Variants in PCLO observed in about 807,000 individuals in gnomAD.
The protein encoded by PCLO is piccolo presynaptic cytomatrix protein.
Under a neutral mutation model 427.5 loss-of-function variants are expected in PCLO, and 82 were observed. The ratio of observed to expected loss-of-function variants is 0.19; its 90% CI spans 0.16 to 0.23. PCLO has a LOEUF of 0.23. PCLO is among the 10% of genes least tolerant of loss of function. PCLO has a pLI of 1.00. For missense variants in PCLO, 6,239 were observed against 6,115.9 expected, an observed-to-expected ratio of 1.02 and a Z score of -0.67; for synonymous variants, 2,357 against 2,155.4, an observed-to-expected ratio of 1.09 and a Z score of -2.59.
intron 10 of PCLO, among the ~76,000 whole-genome samples, chr7:82,848,317 T>G (rs1792559781): frequency 1.4e-5 from 2 of 144,900 alleles, no homozygotes; most frequent in African/African-American, 2.5e-5. Flanking sequence ...TTTTTTTTTT[T>G]TTTTTTTTTT....
At chr7:82,939,452 G>T (rs1290607061) in intron 6 of PCLO, among the ~76,000 whole-genome samples, 13 of 151,590 alleles carry the variant, frequency 8.6e-5, no homozygotes, top group African/African-American at 3.1e-4. Context: ...ATTGTGTTTT[G>T]TTTCTTGTTC....
intron 22 of PCLO, among the ~76,000 whole-genome samples, chr7:82,779,625 A>C (rs991332867): frequency 6.6e-6 from 1 of 152,058 alleles, no homozygotes; most frequent in Admixed American, 6.6e-5. Flanking sequence ...ACAAACAGGA[A>C]ATTTTTTTTC....
At chr7:83,092,950 A>C (rs1404908506) in intron 3 of PCLO, among the ~76,000 whole-genome samples, 2 of 151,114 alleles carry the variant, frequency 1.3e-5, no homozygotes. Flanking sequence ...CTGTCTCAAA[A>C]AAAAAAAAAA....
Position 83,096,990 on chromosome 7 carries a change from A to ATATAT in PCLO, c.3300+37255_3300+37259dup, listed in dbSNP as rs1562962407. Among the ~76,000 whole-genome samples, 4 of 25,592 alleles carry ATATAT rather than the reference A, an allele frequency of 1.6e-4. 1 individual carries two copies. The highest frequency in any genetic ancestry group is 1.7e-3 in the South Asian group (2 of 1,196). 16.8% of individuals were successfully genotyped at this position (25,592 alleles called of 152,430 possible). On this transcript the variant is annotated intron_variant, in intron 3 of 24. Transcript: ENST00000333891. ...TAATATATTATATATTATATAAATA[A>ATATAT]TATATATTATATAAATAATATATAT...
intron 3 of PCLO, chr7:83,018,114 T>C (rs1041691738): frequency 3.3e-5 from 5 of 152,032 alleles, no homozygotes; most frequent in Admixed American, 6.6e-5. Flanking sequence ...TAATTCCTTA[T>C]AGAAGTATTA....
At chr7:82,860,792 A>T (rs2115910053) in intron 10 of PCLO, among the ~76,000 whole-genome samples, 1 of 152,218 alleles carries the variant, frequency 6.6e-6, no homozygotes, top group African/African-American at 2.4e-5. Context: ...AAATAGAAAC[A>T]ACAAAAAGTT....
intron 14 of PCLO, among the ~76,000 whole-genome samples, chr7:82,839,476 G>C (rs1239620257): frequency 6.6e-6 from 1 of 152,016 alleles, no homozygotes; most frequent in Non-Finnish European, 1.5e-5. Context: ...AAGAAGAGGA[G>C]AAAGGGGAAG....
chr7:82,771,091 T>A (rs1385944858), intron 22 of PCLO, among the ~76,000 whole-genome samples: 1 of 151,916 alleles, frequency 6.6e-6, no homozygotes, highest in Non-Finnish European at 1.5e-5. Flanking sequence ...TATTCTATAG[T>A]AGGTTAGATT....
intron 3 of PCLO, among the ~76,000 whole-genome samples, chr7:83,031,095 C>A (rs1445797408): frequency 6.6e-6 from 1 of 152,128 alleles, no homozygotes; most frequent in Non-Finnish European, 1.5e-5. Flanking sequence ...CTGAGCTGCA[C>A]TGTTCATACT....
chr7:83,095,825 G>A (rs976855974), intron 3 of PCLO, among the ~76,000 whole-genome samples: 3 of 151,958 alleles, frequency 2.0e-5, no homozygotes, highest in Non-Finnish European at 4.4e-5. Context: ...ATGTGTTGGA[G>A]TTTGTTTTAT....
At chr7:83,035,072 G>C (rs1402264168) in intron 3 of PCLO, among the ~76,000 whole-genome samples, 1 of 152,070 alleles carries the variant, frequency 6.6e-6, no homozygotes, top group Non-Finnish European at 1.5e-5. Flanking sequence ...GAGTGCTCTG[G>C]CAGCAAGTCT....
At chr7:83,062,881 T>C (rs532560232) in intron 3 of PCLO, among the ~76,000 whole-genome samples, 6 of 152,268 alleles carry the variant, frequency 3.9e-5, no homozygotes, top group African/African-American at 1.4e-4. Context: ...CATAATTCTA[T>C]ATGATTGCAT....
At chr7:82,972,251 C>G (rs1258322830) in intron 3 of PCLO, among the ~76,000 whole-genome samples, 2 of 151,960 alleles carry the variant, frequency 1.3e-5, no homozygotes, top group Admixed American at 1.3e-4. Flanking sequence ...AAAATCCATT[C>G]ATCTTAAGAA....
chr7:82,913,369 CA>C, intron 7 of PCLO, among the ~76,000 whole-genome samples: 1 of 152,098 alleles, frequency 6.6e-6, no homozygotes, highest in Non-Finnish European at 1.5e-5. Context: ...ATCCTTTTCA[CA>C]AAAATGTGTA....
chr7:83,127,462 A>G (rs6949176), intron 3 of PCLO, among the ~76,000 whole-genome samples: 74,499 of 151,840 alleles, frequency 0.49, 19,181 homozygotes, highest in East Asian at 0.69. Context: ...ACTTTCAGGC[A>G]TGCAGAGGGA....
chr7:82,827,634 T>C (rs1226785648), intron 17 of PCLO, among the ~76,000 whole-genome samples: 2 of 152,106 alleles, frequency 1.3e-5, no homozygotes, highest in Admixed American at 1.3e-4. Context: ...AATATTCCAC[T>C]AGTTTTCTTA....
At chr7:82,879,841 T>C in intron 9 of PCLO, 1 of 455,154 alleles carries the variant, frequency 2.2e-6, no homozygotes, top group South Asian at 1.6e-5. Context: ...AGAGCAGTAA[T>C]GACTATTCCA....
At chr7:82,967,357 TA>T (rs1210597363) in intron 3 of PCLO, among the ~76,000 whole-genome samples, 1 of 152,008 alleles carries the variant, frequency 6.6e-6, no homozygotes, top group Admixed American at 6.6e-5. Context: ...TTATTTTTAG[TA>T]GAGATGGGGT....
chr7:83,153,110 G>A (rs1245021577), intron 2 of PCLO, among the ~76,000 whole-genome samples: 1 of 151,364 alleles, frequency 6.6e-6, no homozygotes, highest in African/African-American at 2.4e-5. Context: ...TTCCTATAAG[G>A]AGAGTATAAT....
Sources: allele counts gnomAD v4.1 joint callset (sites outside exome capture counted in the v4.1 genomes callset), GRCh38; gene constraint gnomAD v4.1.1; transcripts MANE v1.5; gene names NCBI Gene and HGNC (gene_info 2026-07-23, HGNC 2026-07-21).